The following CDH18 variants were observed in gnomAD, a reference collection of about 807,000 sequenced individuals.
CDH18 encodes the protein cadherin 18.
In CDH18, 31 loss-of-function variants were observed where a neutral mutation model predicts 67.9. That is an observed-to-expected ratio of 0.46 (90% CI 0.34 to 0.62). CDH18 has a LOEUF of 0.62. Among genes scored for constraint, CDH18 ranks in the 20% least tolerant of loss-of-function variants. The pLI, the probability that CDH18 is intolerant of heterozygous loss-of-function variation, is 0.01. For synonymous variants in CDH18, 362 were observed against 347.2 expected, an observed-to-expected ratio of 1.04 and a Z score of -0.48; for missense variants, 890 against 975.5, an observed-to-expected ratio of 0.91 and a Z score of 1.17.
intron 1 of CDH18, among the ~76,000 whole-genome samples, chr5:20,317,374 A>G (rs1043335794): frequency 2.6e-5 from 4 of 152,144 alleles, no homozygotes; most frequent in African/African-American, 9.6e-5. Context: ...TTTATATTAG[A>G]GGATAAATCT....
At chr5:19,826,942 A>T (rs544396160) in intron 3 of CDH18, among the ~76,000 whole-genome samples, 1 of 152,116 alleles carries the variant, frequency 6.6e-6, no homozygotes, top group Non-Finnish European at 1.5e-5. Flanking sequence ...GTGGTAAGTG[A>T]GATGAAGAAA....
chr5:20,173,596 G>T (rs887614539), intron 2 of CDH18, among the ~76,000 whole-genome samples: 1 of 152,114 alleles, frequency 6.6e-6, no homozygotes, highest in African/African-American at 2.4e-5. Context: ...TTCGCAGTCA[G>T]ATTTGCATTT....
At chr5:19,990,761 CAAAT>C (rs984322979), upstream of CDH18, among the ~76,000 whole-genome samples, 1 of 151,446 alleles carries the variant, frequency 6.6e-6, no homozygotes, top group Non-Finnish European at 1.5e-5. Flanking sequence ...CAGCTCAAAA[CAAAT>C]AAAGAAACAC....
chr5:19,782,887 T>A (rs16888216), intron 3 of CDH18, among the ~76,000 whole-genome samples: 2 of 152,154 alleles, frequency 1.3e-5, no homozygotes, highest in East Asian at 3.9e-4. Context: ...GAAAAGCTAA[T>A]GAGGACTAGA....
At chr5:19,540,385 C>T (rs1750069717) in intron 9 of CDH18, among the ~76,000 whole-genome samples, 2 of 152,192 alleles carry the variant, frequency 1.3e-5, no homozygotes, top group Middle Eastern at 6.8e-3. Context: ...TGCAACCTGT[C>T]AATGGATCTA....
chr5:19,570,058 T>C (rs1159362249), intron 8 of CDH18, among the ~76,000 whole-genome samples: 3 of 152,160 alleles, frequency 2.0e-5, no homozygotes, highest in Non-Finnish European at 4.4e-5. Flanking sequence ...CCAAAAGATA[T>C]TGGGTGCTTT....
At chr5:20,198,628 G>A (rs571198567) in intron 2 of CDH18, among the ~76,000 whole-genome samples, 1 of 152,302 alleles carries the variant, frequency 6.6e-6, no homozygotes, top group East Asian at 1.9e-4. Flanking sequence ...CAAGCCTGCT[G>A]CAGAAATTTG....
chr5:20,189,571 CTTA>C (rs1352477035), intron 2 of CDH18, among the ~76,000 whole-genome samples: 3 of 152,082 alleles, frequency 2.0e-5, no homozygotes, highest in Non-Finnish European at 4.4e-5. Flanking sequence ...GAGGGAGATA[CTTA>C]TTATCCCCAT....
chr5:19,780,527 A>T (rs1346455638), intron 3 of CDH18, among the ~76,000 whole-genome samples: 1 of 152,158 alleles, frequency 6.6e-6, no homozygotes, highest in Admixed American at 6.6e-5. Context: ...AAAAAGGACA[A>T]GAAAAAAAAT....
At chr5:19,667,409 C>T (rs1272886135) in intron 5 of CDH18, among the ~76,000 whole-genome samples, 2 of 149,932 alleles carry the variant, frequency 1.3e-5, no homozygotes, top group African/African-American at 4.9e-5. Flanking sequence ...ATTGTTTTCT[C>T]CTTAAAACTA....
At chr5:19,795,754 G>A (rs1204003480) in intron 3 of CDH18, among the ~76,000 whole-genome samples, 1 of 152,130 alleles carries the variant, frequency 6.6e-6, no homozygotes, top group Non-Finnish European at 1.5e-5. Context: ...ATCAATTGAT[G>A]TCAACACCGC....
At chr5:20,424,082 A>G (rs1312302779) in intron 1 of CDH18, among the ~76,000 whole-genome samples, 1 of 150,752 alleles carries the variant, frequency 6.6e-6, no homozygotes, top group Non-Finnish European at 1.5e-5. Context: ...TACAGCAGAA[A>G]AAAATGAGAC....
At chr5:20,077,768 T>C (rs993597244) in intron 2 of CDH18, among the ~76,000 whole-genome samples, 1 of 152,326 alleles carries the variant, frequency 6.6e-6, no homozygotes, top group African/African-American at 2.4e-5. Context: ...TACTGTTACA[T>C]CTTACCACAC....
At chr5:20,304,511 G>A (rs1736246131) in intron 1 of CDH18, 18 of 1,603,764 alleles carry the variant, frequency 1.1e-5, no homozygotes, top group Non-Finnish European at 1.5e-5. Flanking sequence ...AAATGGTGAA[G>A]AGACTGGTTT....
chr5:19,591,286 C>A, intron 6 of CDH18, 42 bp from the exon 7 acceptor site: 1 of 1,307,210 alleles, frequency 7.6e-7, no homozygotes, highest in South Asian at 1.7e-5. Flanking sequence ...ATACAATGTT[C>A]ATGAAATAAT....
At chr5:19,710,911 T>C (rs1049598745) in intron 5 of CDH18, among the ~76,000 whole-genome samples, 1 of 151,740 alleles carries the variant, frequency 6.6e-6, no homozygotes, top group Non-Finnish European at 1.5e-5. Context: ...GACACATAGA[T>C]CAAAGAAATA....
chr5:20,239,585 T>C (rs1024270737), intron 2 of CDH18, among the ~76,000 whole-genome samples: 1 of 152,152 alleles, frequency 6.6e-6, no homozygotes, highest in Admixed American at 6.5e-5. Flanking sequence ...TAAAAGAAGC[T>C]TTTTCAGATA....
chr5:19,814,876 ATG>A (rs933595030), intron 3 of CDH18, among the ~76,000 whole-genome samples: 9 of 51,794 alleles, frequency 1.7e-4, no homozygotes, highest in Non-Finnish European at 4.0e-4. Context: ...ACACACACAC[ATG>A]GACACACACA....
chr5:20,445,148 A>G (rs1749910746), intron 1 of CDH18, among the ~76,000 whole-genome samples: 2 of 152,232 alleles, frequency 1.3e-5, no homozygotes, highest in South Asian at 4.1e-4. Flanking sequence ...AACATAGTTG[A>G]GAATTTAAAA....
Sources: gnomAD v4.1 joint callset for allele counts (sites outside exome capture counted in the v4.1 genomes callset) on GRCh38, gnomAD v4.1.1 for gene constraint, MANE v1.5 for transcripts, NCBI Gene and HGNC (gene_info 2026-07-23, HGNC 2026-07-21) for gene names.